OR5H14: variants seen among roughly 807,000 people sequenced by gnomAD.
OR5H14 encodes olfactory receptor 5H14.
For missense variants in OR5H14, 392 were observed against 363.9 expected, an observed-to-expected ratio of 1.08 and a Z score of -0.63; for synonymous variants, 155 against 130.6, an observed-to-expected ratio of 1.19 and a Z score of -1.28.
rs748488153 is a variant in OR5H14, at chr3:98,149,375, G to A, written c.-11G>A. 3.7e-6 allele frequency: 6 copies of A among 1,611,818 alleles called. No individual in the cohort carries two copies. The highest frequency in any genetic ancestry group is 5.1e-6 in the Non-Finnish European group (6 of 1,178,616). On this transcript the variant is annotated 5_prime_UTR_variant, in exon 2 of 2. An upstream start codon of the reference 5' UTR is lost. Coordinates refer to ENST00000641380, the MANE Select transcript of OR5H14 (RefSeq NM_001005514.2). ...TGTTGCATTTTATTTTAGAGGACAT[G>A]CAGTGAGGACATGGAAGAGGAAAAT...
In OR5H14 at chr3:98,154,942, A is replaced by G. The variant is rs1708564513; in HGVS notation, c.*4624A>G. 6.6e-6 allele frequency: 1 copy of G among 150,762 alleles called. No individual in the cohort carries two copies. Among genetic ancestry groups the G allele is most frequent in the African/African-American group, 2.5e-5 (1 of 40,798 alleles). 9.3% of individuals were successfully genotyped at this position (150,762 alleles called of 1,614,324 possible). A position where few individuals can be genotyped will look rare whatever the true frequency, so the allele number is the denominator to read the frequency against. ...ACAAGATTAGAAATTATGGCTCCTG[A>G]TCATCATGCAACTGGAGGCCATGGA... On this transcript the variant is annotated 3_prime_UTR_variant, in exon 2 of 2. Coordinates refer to ENST00000641380, the MANE Select transcript of OR5H14 (RefSeq NM_001005514.2).
rs547830223 is a variant in OR5H14 at position 98,149,634 on chromosome 3, C to T, written c.249C>T (p.Ile83=). The T allele has an allele frequency of 2.3e-4, 377 of 1,613,576 alleles. 1 individual carries two copies. The Admixed American group carries it at 2.5e-3, about 10-fold the overall frequency. ...CCTCAGTGACTCTGAAGATGCTGAT[C>T]AACTTCTTAGCTAAGAGTAAGATGA... is the stretch of plus-strand genomic sequence containing the variant. ...LSSSVTLKML[I]NFLAKSKMIS... The change falls in exon 2 of 2, where the codon ATC becomes ATT. Residue 83 remains isoleucine, a synonymous_variant. Coordinates refer to ENST00000641380, the MANE Select transcript of OR5H14 (RefSeq NM_001005514.2).
At chr3:98,148,292 T>G (rs1363772726) in intron 1 of OR5H14, among the ~76,000 whole-genome samples, 1 of 152,106 alleles carries the variant, frequency 6.6e-6, no homozygotes, top group Admixed American at 6.6e-5. Flanking sequence ...ACCAGACATA[T>G]GTCCACTTTG....
intron 1 of OR5H14, 59 bp from the exon 2 acceptor site, chr3:98,149,309 A>C: frequency 6.5e-7 from 1 of 1,547,410 alleles, no homozygotes; most frequent in South Asian, 1.2e-5. Context: ...CCTCTTTCCC[A>C]ATTTCAACTC....
At chr3:98,148,511 A>T (rs1040162180) in intron 1 of OR5H14, among the ~76,000 whole-genome samples, 1 of 152,044 alleles carries the variant, frequency 6.6e-6, no homozygotes, top group African/African-American at 2.4e-5. Flanking sequence ...TTGCCAGCAC[A>T]TCTGAGTTCC....
At chr3:98,148,065 T>A (rs1447146527) in intron 1 of OR5H14, 3 of 151,984 alleles carry the variant, frequency 2.0e-5, no homozygotes, top group African/African-American at 7.2e-5. Flanking sequence ...CTGGTAATTC[T>A]GCCTTGGCTA....
In OR5H14 at chr3:98,154,585, A is replaced by T. The variant is rs905681364; in HGVS notation, c.*4267A>T. On this transcript the variant is annotated 3_prime_UTR_variant, in exon 2 of 2. Transcript: ENST00000641380. ...GCATTTATCTAGTTTCCTTTATTTT[A>T]ATGGGTGAAAATGTAACTGAGCAAA... 1 of 152,218 alleles carries T rather than the reference A, an allele frequency of 6.6e-6. No homozygotes were observed. Among genetic ancestry groups the T allele is most frequent in the Non-Finnish European group, 1.5e-5 (1 of 68,052 alleles). 9.4% of individuals were successfully genotyped at this position (152,218 alleles called of 1,614,324 possible).
At chr3:98,148,874 A>G (rs1708457478) in intron 1 of OR5H14, among the ~76,000 whole-genome samples, 1 of 152,032 alleles carries the variant, frequency 6.6e-6, no homozygotes, top group African/African-American at 2.4e-5. Flanking sequence ...CCTTAGTAAC[A>G]AGTTTCTAAT....
Position 98,153,680 on chromosome 3 carries a change from A to G in OR5H14, c.*3362A>G, listed in dbSNP as rs1391873110. The G allele has an allele frequency of 6.6e-6, 1 of 152,228 alleles. No homozygotes were observed. Among genetic ancestry groups the G allele is most frequent in the African/African-American group, 2.4e-5 (1 of 41,466 alleles). The allele number at this position is 152,228 out of a possible 1,614,324, so 9.4% of individuals were successfully genotyped here. A position where few individuals can be genotyped will look rare whatever the true frequency, so the allele number is the denominator to read the frequency against. On this transcript the variant is annotated 3_prime_UTR_variant, in exon 2 of 2. Coordinates refer to ENST00000641380, the MANE Select transcript of OR5H14 (RefSeq NM_001005514.2). ...GAGAAGATTTTTAGATTTTAAGCTCAAAGCATCTTTTGATGATGGGACAAA... is the reference window on the plus strand; with the variant it reads ...GAGAAGATTTTTAGATTTTAAGCTCGAAGCATCTTTTGATGATGGGACAAA...
In OR5H14 at chr3:98,154,752, T is replaced by G. The variant is rs1463220641; in HGVS notation, c.*4434T>G. ...CTGAAATAAGAAAATCAGGCAGTGC[T>G]TCTAATCTCCAAGCTGCCCTTCTTC... On this transcript the variant is annotated 3_prime_UTR_variant, in exon 2 of 2. Coordinates refer to ENST00000641380, the MANE Select transcript of OR5H14 (RefSeq NM_001005514.2). 1 of 152,202 alleles carries G rather than the reference T, an allele frequency of 6.6e-6. No individual in the cohort carries two copies. The highest frequency in any genetic ancestry group is 1.5e-5 in the Non-Finnish European group (1 of 68,018). 9.4% of individuals were successfully genotyped at this position (152,202 alleles called of 1,614,324 possible). A position where few individuals can be genotyped will look rare whatever the true frequency, so the allele number is the denominator to read the frequency against.
In OR5H14 at chr3:98,150,325, A is replaced by G; in HGVS notation, c.*7A>G. 6.7e-7 allele frequency: 1 copy of G among 1,485,822 alleles called. No individual in the cohort carries two copies. The allele number at this position is 1,485,822 out of a possible 1,614,324, so 92.0% of individuals were successfully genotyped here. A position where few individuals can be genotyped will look rare whatever the true frequency, so the allele number is the denominator to read the frequency against. ...CAAAAGAAATGATGTTTAGATCATT[A>G]CTAATATCTCTTTTCTATTTACTAA... On this transcript the variant is annotated 3_prime_UTR_variant, in exon 2 of 2. Coordinates refer to ENST00000641380, the MANE Select transcript of OR5H14 (RefSeq NM_001005514.2).
Position 98,150,043 on chromosome 3 carries a change from T to C in OR5H14, c.658T>C (p.Phe220Leu). The change falls in exon 2 of 2, where the codon TTT becomes CTT. Residue 220 changes from phenylalanine to leucine, a missense_variant. Coordinates refer to ENST00000641380, the MANE Select transcript of OR5H14 (RefSeq NM_001005514.2). ...AGGGACTGTTCTTATATCTTACATA[T>C]TTGTCCTCTATACAATCTTGAAAAA... ...TIGTVLISYI[F>L]VLYTILKKKS... 1.7e-5 allele frequency: 28 copies of C among 1,612,662 alleles called. No individual in the cohort carries two copies. Among genetic ancestry groups the C allele is most frequent in the Non-Finnish European group, 2.4e-5 (28 of 1,179,448 alleles).
Position 98,156,206 on chromosome 3 carries a change from T to C in OR5H14, c.*5888T>C, listed in dbSNP as rs999112253. ...TGTTATTATCAGATATGCTCTATTA[T>C]GTATTTTTCTCTGCTTTAGAAAGCC... On this transcript the variant is annotated 3_prime_UTR_variant, in exon 2 of 2. Coordinates refer to ENST00000641380, the MANE Select transcript of OR5H14 (RefSeq NM_001005514.2). 1 of 152,212 alleles carries C rather than the reference T, an allele frequency of 6.6e-6. No homozygotes were observed. Among genetic ancestry groups the C allele is most frequent in the African/African-American group, 2.4e-5 (1 of 41,470 alleles). The allele number at this position is 152,212 out of a possible 1,614,324, so 9.4% of individuals were successfully genotyped here.
rs1229133794 is a variant in OR5H14, at chr3:98,156,280, G to T, written c.*5962G>T. 2 of 152,074 alleles carry T rather than the reference G, an allele frequency of 1.3e-5. No individual in the cohort carries two copies. The highest frequency in any genetic ancestry group is 2.9e-5 in the Non-Finnish European group (2 of 68,006). 9.4% of individuals were successfully genotyped at this position (152,074 alleles called of 1,614,324 possible). Reference sequence around the variant, plus strand: ...AATTTCTTATGATATTAGTAAAAGAGAAATTATTTTATCATATCCACTATT... The same window carrying T: ...AATTTCTTATGATATTAGTAAAAGATAAATTATTTTATCATATCCACTATT... On this transcript the variant is annotated 3_prime_UTR_variant, in exon 2 of 2. Transcript: ENST00000641380.
rs138632600 is a variant in OR5H14 at position 98,154,462 on chromosome 3, G to A, written c.*4144G>A. The A allele has an allele frequency of 6.6e-6, 1 of 152,348 alleles. No homozygotes were observed. Among genetic ancestry groups the A allele is most frequent in the Non-Finnish European group, 1.5e-5 (1 of 68,036 alleles). 9.4% of individuals were successfully genotyped at this position (152,348 alleles called of 1,614,324 possible). On this transcript the variant is annotated 3_prime_UTR_variant, in exon 2 of 2. Transcript: ENST00000641380. ...GTCTGGCACTTTTGTTTGGGACAAG[G>A]ATATTTTTCCCTATTGCTCTCAGCC...
chr3:98,153,895 A>G lies in OR5H14; in HGVS notation c.*3577A>G, dbSNP rs1378943402. ...GGAAAAGGGCAATGTATAGGTAGATAAGAAAACTCAAAGATAACAGACAGA... is the reference window on the plus strand; with the variant it reads ...GGAAAAGGGCAATGTATAGGTAGATGAGAAAACTCAAAGATAACAGACAGA... On this transcript the variant is annotated 3_prime_UTR_variant, in exon 2 of 2. Coordinates refer to ENST00000641380, the MANE Select transcript of OR5H14 (RefSeq NM_001005514.2). 1 of 152,194 alleles carries G rather than the reference A, an allele frequency of 6.6e-6. No homozygotes were observed. Among genetic ancestry groups the G allele is most frequent in the East Asian group, 1.9e-4 (1 of 5,188 alleles). 9.4% of individuals were successfully genotyped at this position (152,194 alleles called of 1,614,324 possible).
rs1472619734 is a variant in OR5H14 at position 98,154,958 on chromosome 3, A to T, written c.*4640A>T. On this transcript the variant is annotated 3_prime_UTR_variant, in exon 2 of 2. Transcript: ENST00000641380. The stretch of plus-strand genomic sequence containing the variant: ...TGGCTCCTGATCATCATGCAACTGG[A>T]GGCCATGGAATTCTAACCTTCCTAA... The T allele has an allele frequency of 8.0e-6, 1 of 125,522 alleles. No individual in the cohort carries two copies. The highest frequency in any genetic ancestry group is 1.6e-5 in the Non-Finnish European group (1 of 61,486). 7.8% of individuals were successfully genotyped at this position (125,522 alleles called of 1,614,324 possible).
chr3:98,149,422 G>T lies in OR5H14; in HGVS notation c.37G>T (p.Val13Phe). Reference protein sequence around the residue: ...EENATLLTEFVLTGFLYQPQW... With the variant: ...EENATLLTEFFLTGFLYQPQW... ...AAATGCAACATTGCTGACAGAGTTT[G>T]TTCTCACAGGATTTTTATATCAACC... The change falls in exon 2 of 2, where the codon GTT becomes TTT. Residue 13 changes from valine (V) to phenylalanine (F), a missense_variant. Transcript: ENST00000641380. 1 of 1,613,228 alleles carries T rather than the reference G, an allele frequency of 6.2e-7. No individual in the cohort carries two copies. The highest frequency in any genetic ancestry group is 1.7e-4 in the Middle Eastern group (1 of 6,042).
chr3:98,147,594 A>G (rs1559807214), intron 1 of OR5H14, 40 bp downstream of exon 1: 1 of 152,088 alleles, frequency 6.6e-6, no homozygotes, highest in Non-Finnish European at 1.5e-5. Context: ...ATTATGCTTT[A>G]TAGAAATGTT....
Sources: gnomAD v4.1 joint callset for allele counts (sites outside exome capture counted in the v4.1 genomes callset) on GRCh38, gnomAD v4.1.1 for gene constraint, MANE v1.5 for transcripts, NCBI Gene and HGNC (gene_info 2026-07-23, HGNC 2026-07-21) for gene names.